Variants in ADAMTS3 observed in about 807,000 individuals in gnomAD.
ADAMTS3 encodes the protein A disintegrin and metalloproteinase with thrombospondin motifs 3.
A neutral mutation model predicts 129.0 loss-of-function variants in ADAMTS3; 73 were observed. That is an observed-to-expected ratio of 0.57 (90% CI 0.47 to 0.69). ADAMTS3 has a LOEUF of 0.69. Among genes scored for constraint, ADAMTS3 ranks in the 30% least tolerant of loss-of-function variants. ADAMTS3 has a pLI of 0.00. For missense variants in ADAMTS3, 1,457 were observed against 1,514.5 expected (o/e 0.96, Z 0.63); for synonymous variants, 477 against 510.8 (o/e 0.93, Z 0.89).
chr4:72,484,386 G>C (rs1288698570), intron 3 of ADAMTS3, among the ~76,000 whole-genome samples: 1 of 152,048 alleles, frequency 6.6e-6, no homozygotes, highest in African/African-American at 2.4e-5. Context: ...CAAAACTTGG[G>C]ATCCTGACCA....
At chr4:72,509,441 A>G (rs1720253538) in intron 3 of ADAMTS3, among the ~76,000 whole-genome samples, 1 of 150,374 alleles carries the variant, frequency 6.7e-6, no homozygotes, top group Non-Finnish European at 1.5e-5. Context: ...AGACATTACA[A>G]CAAATAGTGC....
chr4:72,413,575 A>G (rs1037578704), intron 4 of ADAMTS3, among the ~76,000 whole-genome samples: 2 of 152,056 alleles, frequency 1.3e-5, no homozygotes, highest in African/African-American at 4.8e-5. Flanking sequence ...GCAATTAAAT[A>G]ACAGCTAGCA....
At chr4:72,387,935 G>A (rs975598849) in intron 4 of ADAMTS3, among the ~76,000 whole-genome samples, 2 of 152,056 alleles carry the variant, frequency 1.3e-5, no homozygotes, top group Non-Finnish European at 2.9e-5. Context: ...TAGAGAAGTA[G>A]TTTTCTAAGA....
intron 19 of ADAMTS3, among the ~76,000 whole-genome samples, chr4:72,292,812 T>C (rs1718710077): frequency 6.6e-6 from 1 of 152,216 alleles, no homozygotes; most frequent in Non-Finnish European, 1.5e-5. Context: ...TGGCAGTCTT[T>C]GGTATTCACA....
At chr4:72,445,160 C>T (rs1451455700) in intron 3 of ADAMTS3, among the ~76,000 whole-genome samples, 1 of 151,674 alleles carries the variant, frequency 6.6e-6, no homozygotes, top group Non-Finnish European at 1.5e-5. Context: ...GCACTAGAAA[C>T]CACTGCATTT....
At chr4:72,291,156 T>G in intron 19 of ADAMTS3, 94 bp from the exon 20 acceptor site, 1 of 1,366,000 alleles carries the variant, frequency 7.3e-7, no homozygotes, top group Non-Finnish European at 1.0e-6. Flanking sequence ...GCTCTCTAAG[T>G]GACTTGCAAC....
chr4:72,364,499 C>A (rs1720817230), intron 4 of ADAMTS3, among the ~76,000 whole-genome samples: 1 of 151,806 alleles, frequency 6.6e-6, no homozygotes, highest in Admixed American at 6.6e-5. Flanking sequence ...CCTGTAATCC[C>A]AGCTACTCAG....
At chr4:72,482,973 T>C (rs1719478936) in intron 3 of ADAMTS3, among the ~76,000 whole-genome samples, 1 of 152,126 alleles carries the variant, frequency 6.6e-6, no homozygotes. Context: ...AGAATAACTA[T>C]CAGCAAACTA....
chr4:72,429,936 T>G (rs540931381), intron 3 of ADAMTS3, among the ~76,000 whole-genome samples: 1 of 152,016 alleles, frequency 6.6e-6, no homozygotes, highest in South Asian at 2.1e-4. Flanking sequence ...GAACACAGAT[T>G]CTGATTCAGC....
chr4:72,541,253 G>A (rs191944936), intron 3 of ADAMTS3, among the ~76,000 whole-genome samples: 34 of 152,290 alleles, frequency 2.2e-4, no homozygotes, highest in African/African-American at 6.0e-4. Context: ...GCTGGATTTC[G>A]AACTTGCATG....
At chr4:72,441,880 C>T (rs7657394) in intron 3 of ADAMTS3, 99,769 of 150,778 alleles carry the variant, frequency 0.66, 33,076 homozygotes, top group South Asian at 0.79. Context: ...CTACTGATAT[C>T]GGTTCCACAA....
chr4:72,331,801 G>T (rs535590398), intron 5 of ADAMTS3, among the ~76,000 whole-genome samples: 1 of 152,080 alleles, frequency 6.6e-6, no homozygotes, highest in African/African-American at 2.4e-5. Context: ...ATGACATGTC[G>T]TCTTAGGAAG....
At chr4:72,487,705 T>C (rs1719626760) in intron 3 of ADAMTS3, among the ~76,000 whole-genome samples, 1 of 152,086 alleles carries the variant, frequency 6.6e-6, no homozygotes, top group Admixed American at 6.6e-5. Context: ...AATTAGCATG[T>C]GAGTAAAAAT....
chr4:72,491,502 C>T (rs1274803803), intron 3 of ADAMTS3, among the ~76,000 whole-genome samples: 1 of 151,684 alleles, frequency 6.6e-6, no homozygotes, highest in Admixed American at 6.6e-5. Flanking sequence ...GAGTTTTTAT[C>T]ATGAATGGGT....
chr4:72,314,262 T>C (rs72862329), intron 11 of ADAMTS3, among the ~76,000 whole-genome samples: 10,195 of 152,218 alleles, frequency 0.067, 1,138 homozygotes, highest in African/African-American at 0.23. Flanking sequence ...ATAACATGTC[T>C]AAAACATATG....
In ADAMTS3 at chr4:72,305,946, C is replaced by G. The variant is rs773890239; in HGVS notation, c.2260+41G>C. On this transcript the variant is annotated intron_variant, in intron 16 of 21. Transcript: ENST00000286657. Reference sequence around the variant, plus strand: ...GGATTTCTTTGACATTTCAATGTTTCAGTGCATGTTAAAGCAGAGACAGCA... The same window carrying G: ...GGATTTCTTTGACATTTCAATGTTTGAGTGCATGTTAAAGCAGAGACAGCA... 2.0e-6 allele frequency: 3 copies of G among 1,502,234 alleles called. No homozygotes were observed. In the Admixed American group the frequency reaches 5.4e-5, roughly 27 times the overall value. The allele number at this position is 1,502,234 out of a possible 1,614,324, so 93.1% of individuals were successfully genotyped here. A position where few individuals can be genotyped will look rare whatever the true frequency, so the allele number is the denominator to read the frequency against.
chr4:72,368,520 A>G (rs962221382), intron 4 of ADAMTS3, among the ~76,000 whole-genome samples: 1 of 152,200 alleles, frequency 6.6e-6, no homozygotes, highest in African/African-American at 2.4e-5. Context: ...TAGTCTCAAC[A>G]TGGCTTCCCA....
intron 3 of ADAMTS3, among the ~76,000 whole-genome samples, chr4:72,437,067 TGA>T (rs1201783853): frequency 1.3e-5 from 2 of 151,798 alleles, no homozygotes; most frequent in African/African-American, 2.4e-5. Context: ...TATCAAATGT[TGA>T]GTTTGCTCAA....
chr4:72,513,582 A>T (rs1197748026), intron 3 of ADAMTS3, among the ~76,000 whole-genome samples: 1 of 152,182 alleles, frequency 6.6e-6, no homozygotes, highest in African/African-American at 2.4e-5. Context: ...GATGAAGCCA[A>T]ATTAATGTTT....
Sources: allele counts gnomAD v4.1 joint callset (sites outside exome capture counted in the v4.1 genomes callset), GRCh38; gene constraint gnomAD v4.1.1; transcripts MANE v1.5; gene names NCBI Gene and HGNC (gene_info 2026-07-23, HGNC 2026-07-21).